SPATA16: variants seen among roughly 807,000 people sequenced by gnomAD.
SPATA16 encodes the protein spermatogenesis-associated protein 16.
In SPATA16, 36 loss-of-function variants were observed where a neutral mutation model predicts 63.3. The observed-to-expected ratio is 0.57, with a 90% CI of 0.44 to 0.75. The LOEUF is 0.75. SPATA16 is among the 30% of genes least tolerant of loss of function. The pLI, the probability that SPATA16 is intolerant of heterozygous loss-of-function variation, is 0.00. For synonymous variants in SPATA16, 203 were observed against 216.7 expected (o/e 0.94, Z 0.56); for missense variants, 646 against 679.3 (o/e 0.95, Z 0.54).
At chr3:172,966,784 T>C (rs1733928604) in intron 5 of SPATA16, among the ~76,000 whole-genome samples, 1 of 152,220 alleles carries the variant, frequency 6.6e-6, no homozygotes, top group Non-Finnish European at 1.5e-5. Context: ...TTAAAAGCTT[T>C]GAGCTTTACA....
chr3:173,075,614 C>T (rs1736782979), intron 2 of SPATA16, among the ~76,000 whole-genome samples: 1 of 152,120 alleles, frequency 6.6e-6, no homozygotes, highest in Non-Finnish European at 1.5e-5. Flanking sequence ...AATCCTGTCA[C>T]TTGCAGTAAC....
At position 172,945,027 on chromosome 3, in the gene SPATA16, A is replaced by C. The variant is rs573320372; in HGVS notation, c.1081+11650T>G. Among the ~76,000 whole-genome samples, 227 of 152,338 alleles carry C rather than the reference A, an allele frequency of 1.5e-3. 2 individuals are homozygous for C. The highest frequency in any genetic ancestry group is 4.3e-3 in the African/African-American group (179 of 41,574). ...TATAATAAAAAAGGAATAATAAACA[A>C]ATTTATGATAGTGATTACCTCTGGA... On this transcript the variant is annotated intron_variant, in intron 6 of 10. Coordinates refer to ENST00000351008, the MANE Select transcript of SPATA16 (RefSeq NM_031955.6).
chr3:172,895,520 G>C (rs1731988890), intron 10 of SPATA16, among the ~76,000 whole-genome samples: 1 of 152,024 alleles, frequency 6.6e-6, no homozygotes, highest in African/African-American at 2.4e-5. Flanking sequence ...ATTTTTGGTA[G>C]AGACAGGGTT....
At chr3:173,000,917 A>T (rs1734807065) in intron 4 of SPATA16, among the ~76,000 whole-genome samples, 2 of 151,894 alleles carry the variant, frequency 1.3e-5, no homozygotes, top group African/African-American at 4.8e-5. Flanking sequence ...TACTTTTATT[A>T]TTCATCTGTC....
intron 3 of SPATA16, among the ~76,000 whole-genome samples, chr3:173,042,116 AC>A (rs1225650713): frequency 3.3e-5 from 5 of 152,158 alleles, no homozygotes; most frequent in African/African-American, 1.2e-4. Context: ...ATAATTATCC[AC>A]GAAACTGTGA....
intron 2 of SPATA16, among the ~76,000 whole-genome samples, chr3:173,074,464 A>G (rs1349321090): frequency 6.6e-6 from 1 of 152,096 alleles, no homozygotes; most frequent in Non-Finnish European, 1.5e-5. Context: ...AATAAGTCTC[A>G]TGAGATCTGA....
intron 2 of SPATA16, among the ~76,000 whole-genome samples, chr3:173,080,921 G>A (rs891943730): frequency 2.6e-5 from 4 of 152,134 alleles, no homozygotes; most frequent in Non-Finnish European, 5.9e-5. Flanking sequence ...ATACAGGCTT[G>A]GAAAGAGATA....
chr3:172,924,094 T>C (rs1732673429), intron 8 of SPATA16, 114 bp downstream of exon 8: 2 of 846,086 alleles, frequency 2.4e-6, no homozygotes, highest in Admixed American at 4.6e-5. Flanking sequence ...AGATTTACTA[T>C]GAACGTTTCC....
At chr3:173,109,597 G>C (rs1006882284) in intron 2 of SPATA16, among the ~76,000 whole-genome samples, 1 of 152,036 alleles carries the variant, frequency 6.6e-6, no homozygotes, top group African/African-American at 2.4e-5. Context: ...CATCGGGGTT[G>C]GGATGATAAC....
intron 8 of SPATA16, among the ~76,000 whole-genome samples, chr3:172,919,148 G>C (rs995461686): frequency 1.3e-5 from 2 of 152,226 alleles, no homozygotes; most frequent in African/African-American, 4.8e-5. Context: ...TGTGAAGGCG[G>C]CTTCATGCAT....
intron 4 of SPATA16, among the ~76,000 whole-genome samples, chr3:173,015,532 A>G (rs1309167340): frequency 2.6e-5 from 4 of 152,222 alleles, no homozygotes; most frequent in East Asian, 1.9e-4. Flanking sequence ...ATGCTATCCC[A>G]TAATCTTCAC....
At chr3:172,971,722 C>T (rs1397645328) in intron 5 of SPATA16, among the ~76,000 whole-genome samples, 1 of 152,130 alleles carries the variant, frequency 6.6e-6, no homozygotes, top group African/African-American at 2.4e-5. Context: ...TAAGAAGACT[C>T]TGGACACTAT....
intron 6 of SPATA16, among the ~76,000 whole-genome samples, chr3:172,946,788 C>T (rs73882539): frequency 0.089 from 13,561 of 152,122 alleles, 1,949 homozygotes; most frequent in African/African-American, 0.3. Flanking sequence ...AAGGGAAGGA[C>T]GCAAGCCTGG....
At chr3:173,111,613 T>C (rs930222779) in intron 2 of SPATA16, among the ~76,000 whole-genome samples, 6 of 152,204 alleles carry the variant, frequency 3.9e-5, no homozygotes, top group African/African-American at 1.4e-4. Flanking sequence ...TTCTGAGATA[T>C]CCACATTTTT....
chr3:172,911,516 C>G (rs552599925), intron 10 of SPATA16, among the ~76,000 whole-genome samples: 2 of 152,160 alleles, frequency 1.3e-5, no homozygotes, highest in African/African-American at 2.4e-5. Flanking sequence ...CTTCAGTTAC[C>G]TAATTAACAA....
chr3:173,037,665 A>G lies in SPATA16; in HGVS notation c.758+11284T>C, dbSNP rs116319657. On this transcript the variant is annotated intron_variant, in intron 3 of 10. Transcript: ENST00000351008. ...CATAAGAAAGGTGTATGTCACATCT[A>G]TAACCTGTGAGCAAAGTTATAGACA... Among the ~76,000 whole-genome samples the G allele has an allele frequency of 2.3e-3, 345 of 152,222 alleles. 2 individuals are homozygous for G. Among genetic ancestry groups the G allele is most frequent in the African/African-American group, 7.7e-3 (319 of 41,574 alleles).
At chr3:172,986,112 T>TG in intron 4 of SPATA16, among the ~76,000 whole-genome samples, 1 of 152,302 alleles carries the variant, frequency 6.6e-6, no homozygotes, top group South Asian at 2.1e-4. Flanking sequence ...TTTTTAGGTA[T>TG]GGGTTTGTAA....
rs1238662690 is a variant in SPATA16 at position 173,019,477 on chromosome 3, C to G, written c.848+9G>C. On this transcript the variant is annotated intron_variant, in intron 4 of 10. Transcript: ENST00000351008. ...ATATAAATCCTCACAAAAGTTAAAA[C>G]AAACATACCGGGCAGCCTCTGAATA... 1.2e-6 allele frequency: 2 copies of G among 1,612,610 alleles called. No homozygotes were observed. Among genetic ancestry groups the G allele is most frequent in the East Asian group, 2.2e-5 (1 of 44,844 alleles).
intron 4 of SPATA16, among the ~76,000 whole-genome samples, chr3:172,997,007 G>A (rs1734707914): frequency 6.6e-6 from 1 of 152,078 alleles, no homozygotes; most frequent in African/African-American, 2.4e-5. Context: ...TTGTCTAGAT[G>A]TTCCAAGAAG....
Sources: gnomAD v4.1 joint callset for allele counts (sites outside exome capture counted in the v4.1 genomes callset) on GRCh38, gnomAD v4.1.1 for gene constraint, MANE v1.5 for transcripts, NCBI Gene and HGNC (gene_info 2026-07-23, HGNC 2026-07-21) for gene names.